AGAP6: variants seen among roughly 807,000 people sequenced by gnomAD.
The protein encoded by AGAP6 is arf-GAP with GTPase, ANK repeat and PH domain-containing protein 6.
AGAP6 carries 29 observed loss-of-function variants against 63.9 expected under a neutral mutation model. That is an observed-to-expected ratio of 0.45 (90% CI 0.34 to 0.62). AGAP6 has a LOEUF of 0.62. Ranked by LOEUF, AGAP6 falls within the 20% of genes least tolerant of loss-of-function variation. The pLI, the probability that AGAP6 is intolerant of heterozygous loss-of-function variation, is 0.01. For synonymous variants in AGAP6, 199 were observed against 332.9 expected, an observed-to-expected ratio of 0.60 and a Z score of 4.38; for missense variants, 493 against 884.9, an observed-to-expected ratio of 0.56 and a Z score of 5.62.
chr10:49,997,381 A>C (rs797041249), intron 4 of AGAP6, among the ~76,000 whole-genome samples: 1 of 152,216 alleles, frequency 6.6e-6, no homozygotes, highest in Non-Finnish European at 1.5e-5. Flanking sequence ...CGCCTTTCGT[A>C]TTACCTACTC....
chr10:49,996,071 A>C (rs2132130742), intron 4 of AGAP6, among the ~76,000 whole-genome samples: 1 of 151,890 alleles, frequency 6.6e-6, no homozygotes, highest in South Asian at 2.1e-4. Context: ...TTTTACTGAT[A>C]GTCTTGTTAT....
At chr10:49,988,961 C>T (rs61848261) in intron 1 of AGAP6, 23 bp downstream of exon 1, 377,958 of 1,592,882 alleles carry the variant, frequency 0.24, 46,089 homozygotes, top group Non-Finnish European at 0.27. Flanking sequence ...TAGGTGCCAT[C>T]TACCCTCGGT....
chr10:49,989,344 G>A lies in AGAP6; in HGVS notation c.260G>A (p.Ser87Asn), dbSNP rs1554860346. 6.3e-7 allele frequency: 1 copy of A among 1,597,426 alleles called. No homozygotes were observed. Among genetic ancestry groups the A allele is most frequent in the Non-Finnish European group, 8.5e-7 (1 of 1,179,744 alleles). Residue 87 changes from serine (S) to asparagine (N), a missense_variant, in exon 2 of 8, where the codon AGC (serine) becomes AAC (asparagine). Ser to Asn is a conservative substitution (Grantham distance 46). Coordinates refer to ENST00000412531, the MANE Select transcript of AGAP6 (RefSeq NM_001077665.3). The part of the protein sequence containing the change: ...EFNLSANPES[S>N]TIFQRNSQTE... The stretch of plus-strand genomic sequence containing the variant: ...AACCTTTCTGCCAATCCAGAGTCAA[G>A]CACAATATTCCAGAGGAACTCTCAA...
chr10:49,991,394 T>TTTG (rs1554860867), intron 2 of AGAP6, among the ~76,000 whole-genome samples: 2 of 149,868 alleles, frequency 1.3e-5, no homozygotes, highest in Non-Finnish European at 1.5e-5. Context: ...GTTTTTTTTT[T>TTTG]TTTTTTTTTT....
At chr10:49,991,576 G>T in intron 2 of AGAP6, 100 bp from the exon 3 acceptor site, 2 of 1,472,552 alleles carry the variant, frequency 1.4e-6, no homozygotes, top group Non-Finnish European at 1.8e-6. Flanking sequence ...AATCAAAGTA[G>T]AGATAGTGAA....
Position 49,997,706 on chromosome 10 carries a change from A to G in AGAP6, c.396+3277A>G, listed in dbSNP as rs1231039895. ...GACATGCCTAAGTTCTTTAGTGATG[A>G]TTTGTGAGATTTAGGTGCACCCATC... On this transcript the variant is annotated intron_variant, in intron 4 of 7. Transcript: ENST00000412531. 2.0e-5 allele frequency among the ~76,000 whole-genome samples: 3 copies of G among 151,618 alleles called. No homozygotes were observed. In the East Asian group the frequency reaches 5.8e-4, roughly 30 times the overall value.
chr10:50,001,954 T>C, intron 4 of AGAP6, 42 bp from the exon 5 acceptor site: 1 of 1,606,764 alleles, frequency 6.2e-7, no homozygotes, highest in South Asian at 1.1e-5. Flanking sequence ...GAGAAAATAA[T>C]ACACTTTGAT....
chr10:49,996,012 C>G (rs1487151524), intron 4 of AGAP6, among the ~76,000 whole-genome samples: 1 of 152,070 alleles, frequency 6.6e-6, no homozygotes, highest in Non-Finnish European at 1.5e-5. Flanking sequence ...GCTACTAAAC[C>G]TGCAGACTAT....
rs1842034278 is a variant in AGAP6 at position 50,009,581 on chromosome 10, A to C, written c.1456A>C (p.Asn486His). Reference protein sequence around the residue: ...NAHCVDCETQNPKWASLNLGV... With the variant: ...NAHCVDCETQHPKWASLNLGV... ...CCACTGTGTGGACTGTGAGACCCAG[A>C]ATCCTAAGTGGGCCAGTTTGAACTT... The change falls in exon 8 of 8, where the codon AAT becomes CAT. Residue 486 changes from asparagine (N) to histidine (H), a missense_variant. Asn to His is a moderately conservative substitution (Grantham distance 68). This residue lies in a region of AGAP6 where 14 missense variants were observed against 28.6 expected (regional missense o/e 0.49). Transcript: ENST00000412531. 6.2e-7 allele frequency: 1 copy of C among 1,614,090 alleles called. No homozygotes were observed. The highest frequency in any genetic ancestry group is 8.5e-7 in the Non-Finnish European group (1 of 1,180,004).
chr10:50,006,979 C>G (rs1841934062), intron 6 of AGAP6, among the ~76,000 whole-genome samples: 2 of 151,584 alleles, frequency 1.3e-5, no homozygotes, highest in Admixed American at 6.6e-5. Flanking sequence ...CCATTGTACC[C>G]ACTTTTGCTT....
intron 3 of AGAP6, among the ~76,000 whole-genome samples, chr10:49,993,846 T>G (rs1554861529): frequency 6.6e-6 from 1 of 151,102 alleles, no homozygotes; most frequent in African/African-American, 2.4e-5. Flanking sequence ...AAAATTAAGA[T>G]ATGTTACTTT....
chr10:49,990,616 T>C (rs1483009082), intron 2 of AGAP6, among the ~76,000 whole-genome samples: 4 of 152,196 alleles, frequency 2.6e-5, no homozygotes, highest in Non-Finnish European at 5.9e-5. Flanking sequence ...GGTTCTTGAA[T>C]AAAAACTGAA....
rs782610842 is a variant in AGAP6 at position 49,991,759 on chromosome 10, T to G, written c.361+15T>G. Reference sequence around the variant, plus strand: ...TCAAACAGATGGTGAGACGACATTGTCTTTTCCACCAAGAGAAAGAATAAA... The same window carrying G: ...TCAAACAGATGGTGAGACGACATTGGCTTTTCCACCAAGAGAAAGAATAAA... On this transcript the variant is annotated intron_variant, in intron 3 of 7. Transcript: ENST00000412531. 7 of 1,598,128 alleles carry G rather than the reference T, an allele frequency of 4.4e-6. No homozygotes were observed. The East Asian group carries it at 1.6e-4, about 36-fold the overall frequency.
In AGAP6 at chr10:50,009,001, A is replaced by G; in HGVS notation, c.876A>G (p.Arg292=). ...TTAAACAGGGCATGCTCTTAAAGCG[A>G]AGTGGGAAATGGCTGAAGACATGGA... ...IPIKQGMLLK[R]SGKWLKTWKK... Residue 292 remains arginine (R), a synonymous_variant, in exon 8 of 8, where the codon CGA becomes CGG. Transcript: ENST00000412531. The G allele has an allele frequency of 6.2e-7, 1 of 1,613,976 alleles. No homozygotes were observed. Among genetic ancestry groups the G allele is most frequent in the Non-Finnish European group, 8.5e-7 (1 of 1,179,880 alleles).
chr10:49,996,802 C>T (rs1841509000), intron 4 of AGAP6, among the ~76,000 whole-genome samples: 1 of 151,544 alleles, frequency 6.6e-6, no homozygotes, highest in South Asian at 2.1e-4. Flanking sequence ...TGTAAGTTCA[C>T]AACCTGCCTT....
In AGAP6 at chr10:50,004,682, C is replaced by T. The variant is rs2132154303; in HGVS notation, c.498-3C>T. On this transcript the variant is annotated splice_polypyrimidine_tract_variant and splice_region_variant and intron_variant, in intron 5 of 7. Transcript: ENST00000412531. The stretch of plus-strand genomic sequence containing the variant: ...TTGTTATGAATTTTTTTTCCTTCCA[C>T]AGTGTGACCTTGGAGATACCTCATC... 1 of 1,346,200 alleles carries T rather than the reference C, an allele frequency of 7.4e-7. No homozygotes were observed. Among genetic ancestry groups the T allele is most frequent in the Non-Finnish European group, 1.0e-6 (1 of 1,000,814 alleles). 83.4% of individuals were successfully genotyped at this position (1,346,200 alleles called of 1,614,324 possible).
At chr10:49,996,913 A>G (rs541347747) in intron 4 of AGAP6, among the ~76,000 whole-genome samples, 20 of 149,272 alleles carry the variant, frequency 1.3e-4, no homozygotes, top group African/African-American at 4.4e-4. Flanking sequence ...TCTACTTTTT[A>G]TGTCTCAGCA....
chr10:50,001,874 T>C lies in AGAP6; in HGVS notation c.397-122T>C, dbSNP rs1276418616. ...CAATGGGTTTTCTATAGAGTGCACA[T>C]GATACCACACTCAGGCAGTTCATGG... On this transcript the variant is annotated intron_variant, in intron 4 of 7. Coordinates refer to ENST00000412531, the MANE Select transcript of AGAP6 (RefSeq NM_001077665.3). The C allele has an allele frequency of 5.3e-6, 5 of 943,218 alleles. No homozygotes were observed. In the Admixed American group the frequency reaches 8.1e-5, roughly 15 times the overall value. The allele number at this position is 943,218 out of a possible 1,614,324, so 58.4% of individuals were successfully genotyped here.
Position 50,009,263 on chromosome 10 carries a change from A to T in AGAP6, c.1138A>T (p.Ser380Cys). The T allele has an allele frequency of 6.2e-7, 1 of 1,614,090 alleles. No homozygotes were observed. Among genetic ancestry groups the T allele is most frequent in the East Asian group, 2.2e-5 (1 of 44,902 alleles). ...GLGDSICFSP[S>C]ISSTTSPKLN... ...GGGTGACTCCATATGCTTCAGCCCC[A>T]GTATCTCCAGCACCACCAGCCCCAA... Residue 380 changes from serine (S) to cysteine (C), a missense_variant, in exon 8 of 8, where the codon AGT becomes TGT. Around this residue, in one of 7 missense-constraint regions of AGAP6, gnomAD observed 342 missense variants for 533.4 expected, o/e 0.64. Coordinates refer to ENST00000412531, the MANE Select transcript of AGAP6 (RefSeq NM_001077665.3).
Sources: allele counts gnomAD v4.1 joint callset (sites outside exome capture counted in the v4.1 genomes callset), GRCh38; gene constraint gnomAD v4.1.1; regional missense constraint gnomAD v4.1.1; transcripts MANE v1.5; gene names NCBI Gene and HGNC (gene_info 2026-07-23, HGNC 2026-07-21).